ARHGEF38: variants seen among roughly 807,000 people sequenced by gnomAD.
The protein encoded by ARHGEF38 is Rho guanine nucleotide exchange factor (GEF) 38.
ARHGEF38 carries 79 observed loss-of-function variants against 79.9 expected under a neutral mutation model. The ratio of observed to expected loss-of-function variants is 0.99; its 90% CI spans 0.82 to 1.19. The LOEUF (loss-of-function observed/expected upper bound fraction) is 1.19, where lower values mean the gene tolerates loss of function less well. Ranked by LOEUF, ARHGEF38 falls within the 50% of genes most tolerant of loss-of-function variation. ARHGEF38 has a pLI of 0.00. For synonymous variants in ARHGEF38, 366 were observed against 328.3 expected, an observed-to-expected ratio of 1.11 and a Z score of -1.24; for missense variants, 962 against 907.2, an observed-to-expected ratio of 1.06 and a Z score of -0.78.
rs3055873 is a variant in ARHGEF38 at position 105,574,977 on chromosome 4, CAT to C, written c.197-14260_197-14259del. 8.0e-3 allele frequency among the ~76,000 whole-genome samples: 1,131 copies of C among 141,930 alleles called. 8 individuals are homozygous for C. Among genetic ancestry groups the C allele is most frequent in the Middle Eastern group, 0.028 (8 of 284 alleles). 93.1% of individuals were successfully genotyped at this position (141,930 alleles called of 152,430 possible). On this transcript the variant is annotated intron_variant, in intron 1 of 13. Coordinates refer to ENST00000420470, the MANE Select transcript of ARHGEF38 (RefSeq NM_001242729.2). ...TATATATGCACACACATATATATAG[CAT>C]ATATATATATGTACACACATACACA...
chr4:105,601,322 C>G (rs17259503), intron 2 of ARHGEF38, among the ~76,000 whole-genome samples: 8,440 of 152,190 alleles, frequency 0.055, 262 homozygotes, highest in Middle Eastern at 0.078. Context: ...TAGCTTGCTA[C>G]TTCATGTCCG....
intron 10 of ARHGEF38, among the ~76,000 whole-genome samples, chr4:105,662,604 A>C (rs1233217099): frequency 1.3e-5 from 2 of 152,164 alleles, no homozygotes; most frequent in Non-Finnish European, 2.9e-5. Context: ...ATTTAATTTT[A>C]TCTTTTTCCA....
chr4:105,661,301 A>G (rs901857690), intron 10 of ARHGEF38, among the ~76,000 whole-genome samples: 1 of 152,036 alleles, frequency 6.6e-6, no homozygotes, highest in Non-Finnish European at 1.5e-5. Flanking sequence ...TCAAGTTTTT[A>G]GTGGATATAT....
At chr4:105,565,859 C>T (rs1371427288) in intron 1 of ARHGEF38, among the ~76,000 whole-genome samples, 1 of 152,078 alleles carries the variant, frequency 6.6e-6, no homozygotes, top group East Asian at 1.9e-4. Context: ...TCTCCTTTAC[C>T]CTCTGCATTG....
At chr4:105,669,049 A>AAATAAT (rs986953894) in intron 13 of ARHGEF38, among the ~76,000 whole-genome samples, 1 of 151,866 alleles carries the variant, frequency 6.6e-6, no homozygotes, top group Non-Finnish European at 1.5e-5. Context: ...CTGTCTTTAG[A>AAATAAT]AATAATAATA....
chr4:105,660,772 T>G (rs552258428), intron 10 of ARHGEF38, among the ~76,000 whole-genome samples: 1 of 152,306 alleles, frequency 6.6e-6, no homozygotes, highest in East Asian at 1.9e-4. Context: ...AGCTTTATAG[T>G]AACTTACTGC....
At position 105,589,407 on chromosome 4, in the gene ARHGEF38, A is replaced by G. The variant is rs1352825292; in HGVS notation, c.356A>G (p.Glu119Gly). Reference protein sequence around the residue: ...YLNDLELCVREVVQPLRNKKT... With the variant: ...YLNDLELCVRGVVQPLRNKKT... ...AATGATCTAGAGCTGTGTGTTAGGG[A>G]AGTGGTTCAGCCCCTGAGAAATAAA... Residue 119 changes from glutamate (E) to glycine (G), a missense_variant, in exon 2 of 14, where the codon GAA (glutamate) becomes GGA (glycine). By Grantham distance (98) the Glu-to-Gly change is moderately conservative. Coordinates refer to ENST00000420470, the MANE Select transcript of ARHGEF38 (RefSeq NM_001242729.2). The G allele has an allele frequency of 1.2e-6, 2 of 1,612,808 alleles. No homozygotes were observed. Among genetic ancestry groups the G allele is most frequent in the African/African-American group, 2.7e-5 (2 of 74,870 alleles).
In ARHGEF38 at chr4:105,677,984, T is replaced by C; in HGVS notation, c.*47T>C. ...ATTTTCCAGCAAGTTGTTGATTGACTACCTCATAAAACTGACATTACAAAA... is the reference window on the plus strand; with the variant it reads ...ATTTTCCAGCAAGTTGTTGATTGACCACCTCATAAAACTGACATTACAAAA... On this transcript the variant is annotated 3_prime_UTR_variant, in exon 14 of 14. Transcript: ENST00000420470. The C allele has an allele frequency of 1.4e-6, 2 of 1,435,374 alleles. No individual in the cohort carries two copies. Among genetic ancestry groups the C allele is most frequent in the Non-Finnish European group, 1.8e-6 (2 of 1,084,834 alleles). The allele number at this position is 1,435,374 out of a possible 1,614,324, so 88.9% of individuals were successfully genotyped here. A position where few individuals can be genotyped will look rare whatever the true frequency, so the allele number is the denominator to read the frequency against.
rs140476897 is a variant in ARHGEF38 at position 105,654,978 on chromosome 4, C to T, written c.1114-625C>T. Among the ~76,000 whole-genome samples, 3 of 152,290 alleles carry T rather than the reference C, an allele frequency of 2.0e-5. No individual in the cohort carries two copies. In the East Asian group the frequency reaches 5.8e-4, roughly 29 times the overall value. ...ATAAAATATCAGAATGATTTGGAGA[C>T]AAGTTTCCATGTACATGTACCATTC... On this transcript the variant is annotated intron_variant, in intron 8 of 13. Coordinates refer to ENST00000420470, the MANE Select transcript of ARHGEF38 (RefSeq NM_001242729.2).
At chr4:105,563,106 C>T (rs1257842524) in intron 1 of ARHGEF38, among the ~76,000 whole-genome samples, 5 of 152,200 alleles carry the variant, frequency 3.3e-5, no homozygotes, top group Middle Eastern at 3.4e-3. Context: ...GTTGCACTCC[C>T]GGCAGCTGAA....
chr4:105,571,734 C>A (rs901651793), intron 1 of ARHGEF38, among the ~76,000 whole-genome samples: 1 of 152,048 alleles, frequency 6.6e-6, no homozygotes, highest in African/African-American at 2.4e-5. Flanking sequence ...CTGTTCTTAC[C>A]CACACATATG....
At chr4:105,574,991 T>TAC (rs1445828628) in intron 1 of ARHGEF38, among the ~76,000 whole-genome samples, 14 of 93,684 alleles carry the variant, frequency 1.5e-4, no homozygotes, top group South Asian at 5.8e-4. Flanking sequence ...TATATATATG[T>TAC]ACACACATAC....
At chr4:105,615,321 T>C (rs1728468746) in intron 3 of ARHGEF38, among the ~76,000 whole-genome samples, 1 of 152,132 alleles carries the variant, frequency 6.6e-6, no homozygotes, top group African/African-American at 2.4e-5. Context: ...GAGAAAGATA[T>C]GGTAGGTCTG....
At chr4:105,562,198 G>A (rs76634372) in intron 1 of ARHGEF38, among the ~76,000 whole-genome samples, 3,568 of 152,250 alleles carry the variant, frequency 0.023, 134 homozygotes, top group African/African-American at 0.078. Context: ...TTTAGGGATG[G>A]TGTGTTCTGA....
chr4:105,645,277 G>T lies in ARHGEF38; in HGVS notation c.764G>T (p.Arg255Leu). Reference protein sequence around the residue: ...MKYPLLLCELRNSTPPSHPDY... With the variant: ...MKYPLLLCELLNSTPPSHPDY... ...TACCCCCTATTACTGTGCGAACTTC[G>T]GAATTCCACCCCTCCCTCTCACCCA... Residue 255 changes from arginine to leucine, a missense_variant, in exon 6 of 14, where the codon CGG becomes CTG. Transcript: ENST00000420470. 6.5e-7 allele frequency: 1 copy of T among 1,536,526 alleles called. No homozygotes were observed. Among genetic ancestry groups the T allele is most frequent in the Non-Finnish European group, 8.7e-7 (1 of 1,146,980 alleles).
chr4:105,604,115 A>G (rs1428950744), intron 2 of ARHGEF38, among the ~76,000 whole-genome samples: 2 of 152,188 alleles, frequency 1.3e-5, no homozygotes, highest in Non-Finnish European at 2.9e-5. Context: ...GAGGCAAAGC[A>G]GAAAAGAGGT....
chr4:105,671,678 A>C (rs1333800443), intron 13 of ARHGEF38, among the ~76,000 whole-genome samples: 3 of 152,178 alleles, frequency 2.0e-5, no homozygotes, highest in Admixed American at 6.6e-5. Flanking sequence ...AGTGGAAGAA[A>C]ATTATATCTT....
chr4:105,576,912 C>A (rs1380885231), intron 1 of ARHGEF38, among the ~76,000 whole-genome samples: 3 of 152,026 alleles, frequency 2.0e-5, no homozygotes, highest in African/African-American at 7.2e-5. Flanking sequence ...TGTGATGTAT[C>A]GCACATATTG....
intron 1 of ARHGEF38, among the ~76,000 whole-genome samples, chr4:105,571,865 A>G (rs1560692555): frequency 6.6e-6 from 1 of 152,336 alleles, no homozygotes; most frequent in East Asian, 1.9e-4. Context: ...ACCTTGGAAT[A>G]ACATTTTTGC....
Sources: allele counts gnomAD v4.1 joint callset (sites outside exome capture counted in the v4.1 genomes callset), GRCh38; gene constraint gnomAD v4.1.1; transcripts MANE v1.5; gene names NCBI Gene and HGNC (gene_info 2026-07-23, HGNC 2026-07-21).